Variants in PTPRD observed in about 807,000 individuals in gnomAD.
PTPRD encodes receptor-type tyrosine-protein phosphatase delta.
Under a neutral mutation model 214.5 loss-of-function variants are expected in PTPRD, and 34 were observed. That is an observed-to-expected ratio of 0.16 (90% CI 0.12 to 0.21). The LOEUF (loss-of-function observed/expected upper bound fraction) is 0.21, where lower values mean the gene tolerates loss of function less well. PTPRD is among the 10% of genes least tolerant of loss of function. The probability of loss-of-function intolerance (pLI) is 1.00; values close to 1 mark genes in which losing one functional copy is unlikely to be tolerated. For missense variants in PTPRD, 2,545 were observed against 2,398.7 expected, an observed-to-expected ratio of 1.06 and a Z score of -1.27; for synonymous variants, 1,128 against 845.7, an observed-to-expected ratio of 1.33 and a Z score of -5.79.
chr9:9,201,926 A>G (rs1427018552), intron 9 of PTPRD, among the ~76,000 whole-genome samples: 2 of 152,240 alleles, frequency 1.3e-5, no homozygotes, highest in Admixed American at 6.5e-5. Context: ...TACCCTCAAG[A>G]AACATTTAGG....
In PTPRD at chr9:8,340,449, G is replaced by A. The variant is rs755466891; in HGVS notation, c.5147C>T (p.Ala1716Val). The change falls in exon 42 of 46, where the codon GCT (alanine) becomes GTT (valine). Residue 1716 changes from alanine to valine, a missense_variant. Physicochemically the swap from Ala to Val is moderately conservative, Grantham distance 64 (BLOSUM62 0). Coordinates refer to ENST00000381196, the MANE Select transcript of PTPRD (RefSeq NM_002839.4). ...DGYRQQKAYI[A>V]TQGPLAETTE... Reference sequence around the variant, plus strand: ...GGTCTCTGCCAAGGGCCCCTGGGTAGCGATGTAGGCTTTCTGTTGTCTGAA... The same window carrying A: ...GGTCTCTGCCAAGGGCCCCTGGGTAACGATGTAGGCTTTCTGTTGTCTGAA... 1 of 1,598,778 alleles carries A rather than the reference G, an allele frequency of 6.3e-7. No homozygotes were observed. The highest frequency in any genetic ancestry group is 8.6e-7 in the Non-Finnish European group (1 of 1,169,096).
intron 2 of PTPRD, among the ~76,000 whole-genome samples, chr9:10,550,463 A>C (rs1050095658): frequency 6.6e-6 from 1 of 152,184 alleles, no homozygotes; most frequent in South Asian, 2.1e-4. Context: ...GAAAGACAAT[A>C]AAGTGTGCTT....
chr9:10,046,536 T>A (rs1215050480), intron 3 of PTPRD, among the ~76,000 whole-genome samples: 2 of 151,886 alleles, frequency 1.3e-5, no homozygotes, highest in African/African-American at 4.8e-5. Flanking sequence ...AAAAACAGAA[T>A]GAAAAATATT....
chr9:10,115,609 T>G (rs2098724336), intron 3 of PTPRD, among the ~76,000 whole-genome samples: 1 of 151,238 alleles, frequency 6.6e-6, no homozygotes, highest in African/African-American at 2.4e-5. Context: ...GGTATGGCAC[T>G]TCAAGTAAAA....
intron 12 of PTPRD, among the ~76,000 whole-genome samples, chr9:8,672,674 A>G (rs1276152068): frequency 6.6e-6 from 1 of 152,152 alleles, no homozygotes; most frequent in African/African-American, 2.4e-5. Context: ...ACCACTTCAC[A>G]AATAGATGAT....
intron 12 of PTPRD, among the ~76,000 whole-genome samples, chr9:8,679,897 T>C (rs1264319879): frequency 6.6e-6 from 1 of 152,234 alleles, no homozygotes; most frequent in Admixed American, 6.5e-5. Context: ...AATGCACAAA[T>C]GTACTAATTC....
intron 4 of PTPRD, among the ~76,000 whole-genome samples, chr9:9,980,187 C>T (rs1566897342): frequency 1.3e-5 from 2 of 151,832 alleles, no homozygotes; most frequent in Non-Finnish European, 1.5e-5. Context: ...TTTTGATAAA[C>T]AAAAATTAAC....
intron 14 of PTPRD, among the ~76,000 whole-genome samples, chr9:8,585,695 A>G (rs963197277): frequency 6.6e-6 from 1 of 152,216 alleles, no homozygotes; most frequent in African/African-American, 2.4e-5. Flanking sequence ...TGGTAAAACT[A>G]TATGAATGTC....
chr9:9,228,838 C>T (rs1394936859), intron 9 of PTPRD, among the ~76,000 whole-genome samples: 2 of 152,002 alleles, frequency 1.3e-5, no homozygotes, highest in Non-Finnish European at 2.9e-5. Flanking sequence ...TTACTTACTC[C>T]TACATTACAA....
chr9:8,495,156 G>A (rs902620543), intron 26 of PTPRD, among the ~76,000 whole-genome samples: 5 of 152,094 alleles, frequency 3.3e-5, no homozygotes, highest in Non-Finnish European at 5.9e-5. Flanking sequence ...GTAAATATCT[G>A]CTAGATGTTT....
chr9:9,656,014 T>A (rs1376389836), intron 7 of PTPRD, among the ~76,000 whole-genome samples: 2 of 152,110 alleles, frequency 1.3e-5, no homozygotes, highest in Non-Finnish European at 2.9e-5. Flanking sequence ...AAGATAAGCA[T>A]ATGAAAAGTT....
intron 3 of PTPRD, among the ~76,000 whole-genome samples, chr9:10,265,802 T>C (rs893651039): frequency 6.6e-6 from 1 of 152,226 alleles, no homozygotes; most frequent in African/African-American, 2.4e-5. Context: ...GTTTGTTATA[T>C]ATCAAAACCT....
At chr9:9,655,728 C>G (rs545013974) in intron 7 of PTPRD, among the ~76,000 whole-genome samples, 1 of 150,452 alleles carries the variant, frequency 6.6e-6, no homozygotes, top group Non-Finnish European at 1.5e-5. Flanking sequence ...CTGTAATCCC[C>G]GCACTTTGGG....
chr9:9,743,700 T>C (rs1172466607), intron 6 of PTPRD, among the ~76,000 whole-genome samples: 2 of 148,522 alleles, frequency 1.3e-5, no homozygotes, highest in African/African-American at 5.0e-5. Context: ...ATAGTCCAAA[T>C]CTTACTTCTT....
intron 11 of PTPRD, among the ~76,000 whole-genome samples, chr9:8,751,810 T>C (rs2093564092): frequency 6.6e-6 from 1 of 152,210 alleles, no homozygotes; most frequent in Non-Finnish European, 1.5e-5. Flanking sequence ...TTTAACCCTC[T>C]GTCTTAAAAA....
intron 9 of PTPRD, among the ~76,000 whole-genome samples, chr9:9,251,707 A>G (rs2099975544): frequency 2.0e-5 from 3 of 152,094 alleles, no homozygotes; most frequent in African/African-American, 7.2e-5. Flanking sequence ...TGTGTCCTGG[A>G]TAAATAGCAT....
At chr9:10,338,111 C>T (rs557736084) in intron 3 of PTPRD, among the ~76,000 whole-genome samples, 2 of 151,526 alleles carry the variant, frequency 1.3e-5, no homozygotes, top group South Asian at 4.2e-4. Context: ...ACTGAAAATG[C>T]ATAAAAAGAT....
intron 3 of PTPRD, among the ~76,000 whole-genome samples, chr9:10,095,194 T>C (rs2098471077): frequency 6.6e-6 from 1 of 151,486 alleles, no homozygotes; most frequent in Admixed American, 6.6e-5. Flanking sequence ...TTCTTTCACT[T>C]TAATGGATTT....
intron 10 of PTPRD, among the ~76,000 whole-genome samples, chr9:9,162,872 A>C (rs1444661367): frequency 6.6e-6 from 1 of 152,042 alleles, no homozygotes; most frequent in African/African-American, 2.4e-5. Context: ...CAGGTTATCC[A>C]AGCTTACATG....
Sources: gnomAD v4.1 joint callset for allele counts (sites outside exome capture counted in the v4.1 genomes callset) on GRCh38, gnomAD v4.1.1 for gene constraint, MANE v1.5 for transcripts, NCBI Gene and HGNC (gene_info 2026-07-23, HGNC 2026-07-21) for gene names.